The following SLC8A1 variants were observed in gnomAD, a reference collection of about 807,000 sequenced individuals.
SLC8A1 encodes sodium/calcium exchanger 1.
A neutral mutation model predicts 68.3 loss-of-function variants in SLC8A1; 18 were observed. The ratio of observed to expected loss-of-function variants is 0.26; its 90% CI spans 0.18 to 0.39. The LOEUF is 0.39. Among genes scored for constraint, SLC8A1 ranks in the 10% least tolerant of loss-of-function variants. SLC8A1 has a pLI of 1.00. For missense variants in SLC8A1, 985 were observed against 1,156.7 expected (o/e 0.85, Z 2.15); for synonymous variants, 475 against 415.5 (o/e 1.14, Z -1.74).
chr2:40,441,326 A>G (rs1700437447), intron 1 of SLC8A1, among the ~76,000 whole-genome samples: 2 of 150,318 alleles, frequency 1.3e-5, no homozygotes, highest in South Asian at 4.4e-4. Context: ...AACAATCAAT[A>G]TTGTGAAAGC....
At chr2:40,210,573 G>T (rs147378937) in intron 2 of SLC8A1, among the ~76,000 whole-genome samples, 162 of 152,240 alleles carry the variant, frequency 1.1e-3, no homozygotes, top group African/African-American at 3.6e-3. Flanking sequence ...TTTTAAGGGG[G>T]GAGAAAGGCC....
At chr2:40,367,062 G>A (rs1045812245) in intron 2 of SLC8A1, among the ~76,000 whole-genome samples, 1 of 151,854 alleles carries the variant, frequency 6.6e-6, no homozygotes, top group African/African-American at 2.4e-5. Context: ...TGAGGTTCTG[G>A]GTGATTTCAT....
chr2:40,310,259 C>A (rs2073432495), intron 2 of SLC8A1, among the ~76,000 whole-genome samples: 1 of 152,124 alleles, frequency 6.6e-6, no homozygotes, highest in African/African-American at 2.4e-5. Flanking sequence ...ATGCCATGGT[C>A]ACAGGCAGCA....
chr2:40,429,989 G>A (rs1559653918), exon 2 of SLC8A1: 3 of 1,613,762 alleles, frequency 1.9e-6, no homozygotes, highest in Non-Finnish European at 2.5e-6. Context: ...GACATGAACC[G>A]ATCAGCTATG....
At chr2:40,315,973 C>CTA (rs1013755066) in intron 2 of SLC8A1, among the ~76,000 whole-genome samples, 2 of 151,992 alleles carry the variant, frequency 1.3e-5, no homozygotes, top group Non-Finnish European at 2.9e-5. Flanking sequence ...AAATTGTGTG[C>CTA]TATAGACCTT....
chr2:40,393,121 T>C (rs139422988), intron 2 of SLC8A1, among the ~76,000 whole-genome samples: 248 of 152,226 alleles, frequency 1.6e-3, no homozygotes, highest in Non-Finnish European at 1.1e-3. Context: ...TAATCTATTT[T>C]ATAGCTCCGT....
At chr2:40,508,834 A>G (rs941540574) in intron 1 of SLC8A1, among the ~76,000 whole-genome samples, 2 of 152,178 alleles carry the variant, frequency 1.3e-5, no homozygotes, top group African/African-American at 4.8e-5. Flanking sequence ...GCATAAAGGA[A>G]ATGATTCTTA....
At chr2:40,234,079 C>T (rs1016244722) in intron 2 of SLC8A1, among the ~76,000 whole-genome samples, 1 of 152,164 alleles carries the variant, frequency 6.6e-6, no homozygotes, top group Non-Finnish European at 1.5e-5. Flanking sequence ...CTTGGTGATG[C>T]AGGCTCTTTT....
chr2:40,241,750 A>G (rs998102090), intron 2 of SLC8A1, among the ~76,000 whole-genome samples: 2 of 152,128 alleles, frequency 1.3e-5, no homozygotes, highest in African/African-American at 4.8e-5. Context: ...AAAGAACTCC[A>G]CAGGCTTTGA....
chr2:40,360,657 G>A lies in SLC8A1; in HGVS notation c.1808+67816C>T, dbSNP rs1353552569. On this transcript the variant is annotated intron_variant, in intron 2 of 7. Transcript: ENST00000406785. Reference sequence around the variant, plus strand: ...CACAGAGCTGAGGCATACAGAGGTTGAGTCACTTGCCCAAGGTCACATAGC... The same window carrying A: ...CACAGAGCTGAGGCATACAGAGGTTAAGTCACTTGCCCAAGGTCACATAGC... Among the ~76,000 whole-genome samples the A allele has an allele frequency of 3.3e-5, 5 of 152,138 alleles. No homozygotes were observed. The East Asian group carries it at 5.8e-4, about 18-fold the overall frequency.
chr2:40,109,041 C>G (rs531846329), exon 8 of SLC8A1: 18 of 152,300 alleles, frequency 1.2e-4, no homozygotes, highest in African/African-American at 4.1e-4. Flanking sequence ...ATCCCCCCGT[C>G]CCCCAGTGCA....
intron 2 of SLC8A1, chr2:40,178,484 T>C: frequency 6.2e-7 from 1 of 1,612,714 alleles, no homozygotes; most frequent in Non-Finnish European, 8.5e-7. Flanking sequence ...CCTTGACTGA[T>C]ATTGTTTTGC....
At chr2:40,505,594 T>C (rs973551864) in intron 1 of SLC8A1, among the ~76,000 whole-genome samples, 4 of 151,978 alleles carry the variant, frequency 2.6e-5, no homozygotes, top group Admixed American at 2.6e-4. Flanking sequence ...TGTGCATGCA[T>C]ACACACCTAC....
chr2:40,330,450 A>T (rs1231861414), intron 2 of SLC8A1, among the ~76,000 whole-genome samples: 1 of 152,256 alleles, frequency 6.6e-6, no homozygotes, highest in East Asian at 1.9e-4. Flanking sequence ...GCAATGTCTA[A>T]GGCTGACTAC....
chr2:40,396,748 T>TAAAAAAAAAAACAAAAAAAAAA (rs1687031711), intron 2 of SLC8A1, among the ~76,000 whole-genome samples: 1 of 87,086 alleles, frequency 1.1e-5, no homozygotes, highest in Non-Finnish European at 2.1e-5. Flanking sequence ...CTCTAATAAC[T>TAAAAAAAAAAACAAAAAAAAAA]AAAAAAAAAA....
At chr2:40,361,862 G>GTCAGA (rs1674719352) in intron 2 of SLC8A1, among the ~76,000 whole-genome samples, 1 of 133,104 alleles carries the variant, frequency 7.5e-6, no homozygotes, top group Admixed American at 7.8e-5. Flanking sequence ...ATGCTAGATA[G>GTCAGA]TCAGATGTTT....
At chr2:40,259,415 C>T (rs145159930) in intron 2 of SLC8A1, among the ~76,000 whole-genome samples, 4 of 152,264 alleles carry the variant, frequency 2.6e-5, no homozygotes, top group African/African-American at 7.2e-5. Flanking sequence ...ATCTTTTAAT[C>T]CCATTTCTTT....
chr2:40,429,478 G>A (rs769572927), exon 2 of SLC8A1: 4 of 1,613,794 alleles, frequency 2.5e-6, no homozygotes, highest in East Asian at 2.2e-5. Context: ...CTGCTTGCCA[G>A]CTCGATACCT....
intron 2 of SLC8A1, among the ~76,000 whole-genome samples, chr2:40,199,341 T>C (rs1021416129): frequency 2.0e-5 from 3 of 151,674 alleles, no homozygotes; most frequent in African/African-American, 4.8e-5. Flanking sequence ...TTGGCAGGCG[T>C]GGTCTTCCTG....
Sources: gnomAD v4.1 joint callset for allele counts (sites outside exome capture counted in the v4.1 genomes callset) on GRCh38, gnomAD v4.1.1 for gene constraint, MANE v1.5 for transcripts, NCBI Gene and HGNC (gene_info 2026-07-23, HGNC 2026-07-21) for gene names.